Variants in TEX9 observed in about 807,000 individuals in gnomAD.
The protein encoded by TEX9 is testis expressed 9.
In TEX9, 74 loss-of-function variants were observed where a neutral mutation model predicts 59.6. The observed-to-expected ratio is 1.24, with a 90% CI of 1.03 to 1.51. TEX9 has a LOEUF of 1.51. Among genes scored for constraint, TEX9 ranks in the 40% most tolerant of loss-of-function variants. The pLI is 0.00. For missense variants in TEX9, 522 were observed against 447.8 expected, an observed-to-expected ratio of 1.17 and a Z score of -1.49; for synonymous variants, 186 against 152.2, an observed-to-expected ratio of 1.22 and a Z score of -1.64.
At chr15:56,425,527 T>C (rs971371421) in intron 10 of TEX9, among the ~76,000 whole-genome samples, 1 of 152,146 alleles carries the variant, frequency 6.6e-6, no homozygotes, top group Admixed American at 6.6e-5. Flanking sequence ...TTCCATTCAG[T>C]TACTGTATTT....
At chr15:56,394,068 T>A (rs761518964) in intron 7 of TEX9, 97 bp from the exon 8 acceptor site, 6 of 1,121,912 alleles carry the variant, frequency 5.3e-6, no homozygotes, top group Non-Finnish European at 7.7e-6. Flanking sequence ...CTCCCCATCT[T>A]GAGTATTTTC....
chr15:56,324,568 A>G (rs924508598), intron 1 of TEX9, among the ~76,000 whole-genome samples: 13 of 152,202 alleles, frequency 8.5e-5, no homozygotes, highest in Non-Finnish European at 1.8e-4. Context: ...AGTATTCTAC[A>G]GATGTGGATT....
chr15:56,358,606 G>A (rs1345375110), intron 1 of TEX9, among the ~76,000 whole-genome samples: 1 of 152,086 alleles, frequency 6.6e-6, no homozygotes, highest in Non-Finnish European at 1.5e-5. Context: ...TACATTAACT[G>A]AAGTCCATAG....
upstream of TEX9, among the ~76,000 whole-genome samples, chr15:56,363,608 C>T (rs2046831318): frequency 6.6e-6 from 1 of 151,924 alleles, no homozygotes; most frequent in Admixed American, 6.6e-5. Flanking sequence ...TTGGAGAAAT[C>T]CCTATTTCTT....
At chr15:56,391,951 C>G (rs1358627851) in intron 7 of TEX9, among the ~76,000 whole-genome samples, 1 of 151,954 alleles carries the variant, frequency 6.6e-6, no homozygotes, top group African/African-American at 2.4e-5. Context: ...TTGCATATCA[C>G]TAGAATAATA....
chr15:56,326,391 TAA>T (rs1254087647), intron 1 of TEX9, among the ~76,000 whole-genome samples: 1 of 152,160 alleles, frequency 6.6e-6, no homozygotes, highest in African/African-American at 2.4e-5. Context: ...GGACACAAAA[TAA>T]ACTCAATTTT....
At chr15:56,429,569 C>T (rs548367834) in intron 12 of TEX9, 183 of 156,364 alleles carry the variant, frequency 1.2e-3, no homozygotes, top group Non-Finnish European at 2.1e-3. Flanking sequence ...TAGATTCATG[C>T]ATGGGATTAG....
intron 1 of TEX9, among the ~76,000 whole-genome samples, chr15:56,333,468 C>G (rs1371372238): frequency 1.1e-4 from 8 of 73,580 alleles, no homozygotes; most frequent in African/African-American, 3.7e-4. Context: ...ATTCAACACT[C>G]CTTCATGATA....
chr15:56,396,319 A>C (rs887235151), intron 9 of TEX9: 1 of 152,176 alleles, frequency 6.6e-6, no homozygotes, highest in South Asian at 2.1e-4. Flanking sequence ...CAAAATTTAT[A>C]TGCAGTAAAT....
At chr15:56,315,820 T>C (rs1319634446) in intron 1 of TEX9, among the ~76,000 whole-genome samples, 11 of 148,782 alleles carry the variant, frequency 7.4e-5, no homozygotes, top group Non-Finnish European at 1.3e-4. Context: ...TTTCACATAG[T>C]CCCATATTTC....
intron 1 of TEX9, among the ~76,000 whole-genome samples, chr15:56,266,970 C>G (rs1442772642): frequency 5.9e-5 from 9 of 152,200 alleles, no homozygotes; most frequent in African/African-American, 1.9e-4. Flanking sequence ...TATTTCTCCA[C>G]ATCCTCTCCA....
chr15:56,445,920 C>CT (rs774700720), downstream of TEX9: 6 of 152,048 alleles, frequency 3.9e-5, no homozygotes, highest in Non-Finnish European at 8.8e-5. Context: ...AAGGACAGCG[C>CT]TATATGGCTT....
intron 12 of TEX9, among the ~76,000 whole-genome samples, chr15:56,437,783 T>C (rs2050753596): frequency 6.6e-6 from 1 of 152,138 alleles, no homozygotes; most frequent in Non-Finnish European, 1.5e-5. Flanking sequence ...GGATACAAAA[T>C]CAATGTACAA....
chr15:56,416,980 T>C (rs1250159312), intron 10 of TEX9, among the ~76,000 whole-genome samples: 2 of 151,842 alleles, frequency 1.3e-5, no homozygotes, highest in Admixed American at 6.6e-5. Flanking sequence ...CTAGGTTTTC[T>C]AGTTTGTGTG....
At chr15:56,419,199 G>T (rs1267140150) in intron 10 of TEX9, among the ~76,000 whole-genome samples, 1 of 151,326 alleles carries the variant, frequency 6.6e-6, no homozygotes, top group African/African-American at 2.4e-5. Context: ...ATTGTTTGTT[G>T]CTATAATGGA....
chr15:56,427,815 AG>A, intron 11 of TEX9, 76 bp downstream of exon 11: 5 of 1,213,644 alleles, frequency 4.1e-6, no homozygotes, highest in Non-Finnish European at 1.1e-6. Flanking sequence ...TTTTCACTTT[AG>A]GTATGTTTTT....
At chr15:56,365,211 A>G (rs1596119209), upstream of TEX9, among the ~76,000 whole-genome samples, 1 of 152,158 alleles carries the variant, frequency 6.6e-6, no homozygotes. Flanking sequence ...TTCAACCCCC[A>G]CAAGTTGAGA....
chr15:56,251,760 C>T (rs1349976694), intron 1 of TEX9, among the ~76,000 whole-genome samples: 3 of 151,928 alleles, frequency 2.0e-5, no homozygotes, highest in Non-Finnish European at 4.4e-5. Flanking sequence ...AGTAAATTTC[C>T]TCATGGAGCA....
chr15:56,425,017 T>C (rs2050173441), intron 10 of TEX9, among the ~76,000 whole-genome samples: 1 of 152,164 alleles, frequency 6.6e-6, no homozygotes, highest in African/African-American at 2.4e-5. Context: ...TTGCTGGATG[T>C]AGTATTCTTC....
Sources: gnomAD v4.1 joint callset for allele counts (sites outside exome capture counted in the v4.1 genomes callset) on GRCh38, gnomAD v4.1.1 for gene constraint, MANE v1.5 for transcripts, NCBI Gene and HGNC (gene_info 2026-07-23, HGNC 2026-07-21) for gene names.